ITPR2: variants seen among roughly 807,000 people sequenced by gnomAD.
The protein encoded by ITPR2 is inositol 1,4,5-trisphosphate-gated calcium channel ITPR2.
In ITPR2, 207 loss-of-function variants were observed where a neutral mutation model predicts 317.1. The observed-to-expected ratio is 0.65, with a 90% CI of 0.58 to 0.73. ITPR2 has a LOEUF of 0.73. Ranked by LOEUF, ITPR2 falls within the 30% of genes least tolerant of loss-of-function variation. The probability of loss-of-function intolerance (pLI) is 0.00; values close to 1 mark genes in which losing one functional copy is unlikely to be tolerated. For synonymous variants in ITPR2, 1,156 were observed against 1,149.1 expected (o/e 1.01, Z -0.12); for missense variants, 2,613 against 3,284.0 (o/e 0.80, Z 4.99).
intron 48 of ITPR2, among the ~76,000 whole-genome samples, chr12:26,433,258 C>T (rs1021546083): frequency 8.5e-5 from 13 of 152,138 alleles, no homozygotes; most frequent in African/African-American, 3.1e-4. Flanking sequence ...CTTGGATATC[C>T]TAAGCTGAGC....
chr12:26,474,738 G>A (rs2136819751), intron 45 of ITPR2, among the ~76,000 whole-genome samples: 1 of 141,118 alleles, frequency 7.1e-6, no homozygotes, highest in East Asian at 2.1e-4. Flanking sequence ...AGCTTGCAGT[G>A]AGCCGAGATC....
chr12:26,532,357 C>T (rs74665696), intron 37 of ITPR2, among the ~76,000 whole-genome samples: 2,330 of 152,260 alleles, frequency 0.015, 59 homozygotes, highest in African/African-American at 0.052. Context: ...AACACTCCTC[C>T]AGAAAAGGGA....
Position 26,695,817 on chromosome 12 carries a change from A to T in ITPR2, c.952-167T>A, listed in dbSNP as rs549057728. On this transcript the variant is annotated intron_variant, in intron 9 of 56. Transcript: ENST00000381340. Reference sequence around the variant, plus strand: ...TGACAATTTAAAATACTACCATCAAACCCTAGTTGCAGGAGACAAAAGCTG... The same window carrying T: ...TGACAATTTAAAATACTACCATCAATCCCTAGTTGCAGGAGACAAAAGCTG... 2.5e-4 allele frequency among the ~76,000 whole-genome samples: 38 copies of T among 152,272 alleles called. No homozygotes were observed. In the South Asian group the frequency reaches 5.0e-3, roughly 20 times the overall value.
At chr12:26,351,972 G>T (rs1426474253) in intron 55 of ITPR2, among the ~76,000 whole-genome samples, 1 of 152,196 alleles carries the variant, frequency 6.6e-6, no homozygotes, top group African/African-American at 2.4e-5. Context: ...TTCATGGTGA[G>T]ATTAAGGGAA....
At chr12:26,428,639 C>A (rs1941128616) in intron 48 of ITPR2, among the ~76,000 whole-genome samples, 1 of 152,006 alleles carries the variant, frequency 6.6e-6, no homozygotes, top group African/African-American at 2.4e-5. Context: ...TATTTGAAGG[C>A]CAACTCTACT....
intron 9 of ITPR2, among the ~76,000 whole-genome samples, chr12:26,707,186 A>G (rs1468505810): frequency 6.6e-6 from 1 of 152,246 alleles, no homozygotes; most frequent in Non-Finnish European, 1.5e-5. Context: ...TACCTGCAGC[A>G]TTCTACCATG....
At chr12:26,735,327 T>C (rs1451927257) in intron 2 of ITPR2, among the ~76,000 whole-genome samples, 3 of 152,170 alleles carry the variant, frequency 2.0e-5, no homozygotes. Flanking sequence ...TCAAATTATT[T>C]GGTCTCAACC....
intron 55 of ITPR2, among the ~76,000 whole-genome samples, chr12:26,368,869 T>C (rs1469855872): frequency 1.3e-5 from 2 of 152,106 alleles, no homozygotes; most frequent in African/African-American, 2.4e-5. Flanking sequence ...AAAAAACAAA[T>C]ATGCAACATG....
intron 1 of ITPR2, among the ~76,000 whole-genome samples, chr12:26,803,701 G>A (rs1253966613): frequency 6.6e-6 from 1 of 152,138 alleles, no homozygotes; most frequent in African/African-American, 2.4e-5. Flanking sequence ...GATTCGTTCT[G>A]TAGCCTAAGG....
intron 26 of ITPR2, among the ~76,000 whole-genome samples, chr12:26,619,298 C>T (rs575856451): frequency 6.6e-6 from 1 of 152,306 alleles, no homozygotes; most frequent in Non-Finnish European, 1.5e-5. Flanking sequence ...ACAACAAACA[C>T]TGACTGAATG....
chr12:26,437,654 T>G (rs1036524162), intron 47 of ITPR2, among the ~76,000 whole-genome samples: 3 of 140,418 alleles, frequency 2.1e-5, no homozygotes, highest in African/African-American at 2.5e-5. Context: ...TAAAGTAAAA[T>G]GTACATTGAA....
chr12:26,681,094 T>C (rs143430112), intron 13 of ITPR2, among the ~76,000 whole-genome samples: 23 of 152,276 alleles, frequency 1.5e-4, no homozygotes, highest in Non-Finnish European at 2.2e-4. Context: ...AGAGAGGAAA[T>C]ACAGAGGATG....
At chr12:26,723,914 A>T (rs1226362684) in intron 4 of ITPR2, among the ~76,000 whole-genome samples, 1 of 152,186 alleles carries the variant, frequency 6.6e-6, no homozygotes, top group Admixed American at 6.5e-5. Context: ...ACGATGTAAC[A>T]GACTATGCTT....
intron 26 of ITPR2, among the ~76,000 whole-genome samples, chr12:26,609,015 T>C (rs936847882): frequency 1.3e-5 from 2 of 152,182 alleles, no homozygotes; most frequent in Non-Finnish European, 2.9e-5. Flanking sequence ...ACTTTGATAC[T>C]GATACATTGT....
intron 37 of ITPR2, among the ~76,000 whole-genome samples, chr12:26,549,452 T>C (rs902205918): frequency 4.6e-5 from 7 of 152,116 alleles, no homozygotes; most frequent in Admixed American, 2.6e-4. Context: ...ATACATAAAG[T>C]AATACATAAA....
chr12:26,807,207 G>T (rs578153968), intron 1 of ITPR2, among the ~76,000 whole-genome samples: 1 of 151,304 alleles, frequency 6.6e-6, no homozygotes, highest in Non-Finnish European at 1.5e-5. Context: ...CAAAAAAGAA[G>T]ATATATATAT....
intron 2 of ITPR2, among the ~76,000 whole-genome samples, chr12:26,742,571 T>C (rs1300896839): frequency 1.3e-5 from 2 of 152,126 alleles, no homozygotes; most frequent in Non-Finnish European, 2.9e-5. Flanking sequence ...TCCCAGCACT[T>C]TGGGAGGCTG....
chr12:26,653,728 G>A (rs532858053), intron 21 of ITPR2, among the ~76,000 whole-genome samples: 2 of 152,132 alleles, frequency 1.3e-5, no homozygotes, highest in Non-Finnish European at 2.9e-5. Context: ...CAAGTGGCTT[G>A]GCTATAATGT....
chr12:26,569,734 T>TC (rs547198505), intron 34 of ITPR2, among the ~76,000 whole-genome samples: 1 of 152,128 alleles, frequency 6.6e-6, no homozygotes, highest in Non-Finnish European at 1.5e-5. Context: ...AATGTTTTTT[T>TC]CCTCACTCAT....
Sources: gnomAD v4.1 joint callset for allele counts (sites outside exome capture counted in the v4.1 genomes callset) on GRCh38, gnomAD v4.1.1 for gene constraint, MANE v1.5 for transcripts, NCBI Gene and HGNC (gene_info 2026-07-23, HGNC 2026-07-21) for gene names.